Variants in XKR6 observed in about 807,000 individuals in gnomAD.
XKR6 encodes XK related 6.
Under a neutral mutation model 56.7 loss-of-function variants are expected in XKR6, and 22 were observed. The observed-to-expected ratio is 0.39, with a 90% confidence interval of 0.28 to 0.55. The LOEUF is 0.55. XKR6 is among the 20% of genes least tolerant of loss of function. The pLI, the probability that XKR6 is intolerant of heterozygous loss-of-function variation, is 0.66. For synonymous variants in XKR6, 524 were observed against 387.8 expected, an observed-to-expected ratio of 1.35 and a Z score of -4.13; for missense variants, 852 against 889.0, an observed-to-expected ratio of 0.96 and a Z score of 0.53.
chr8:11,093,164 T>C (rs1798137003), intron 1 of XKR6, among the ~76,000 whole-genome samples: 1 of 152,168 alleles, frequency 6.6e-6, no homozygotes, highest in Admixed American at 6.5e-5. Context: ...CAAACGATTC[T>C]CCTGCCTCAG....
At chr8:10,931,845 AAACTTT>A (rs1801060304) in intron 1 of XKR6, among the ~76,000 whole-genome samples, 1 of 152,182 alleles carries the variant, frequency 6.6e-6, no homozygotes, top group Non-Finnish European at 1.5e-5. Context: ...CAAAAAAGAT[AAACTTT>A]ATCAAAATTA....
chr8:11,012,201 TC>T (rs1056143483), intron 1 of XKR6, among the ~76,000 whole-genome samples: 15 of 151,966 alleles, frequency 9.9e-5, no homozygotes, highest in African/African-American at 3.6e-4. Flanking sequence ...CCCACCCCAC[TC>T]CCCAGCCCTG....
At chr8:11,196,535 A>C (rs945524285) in intron 1 of XKR6, among the ~76,000 whole-genome samples, 1 of 152,262 alleles carries the variant, frequency 6.6e-6, no homozygotes, top group Non-Finnish European at 1.5e-5. Context: ...TCATGCTTCC[A>C]AGGTAAAGTC....
intron 1 of XKR6, among the ~76,000 whole-genome samples, chr8:11,145,875 C>A (rs1180896900): frequency 1.3e-5 from 2 of 151,952 alleles, no homozygotes; most frequent in Non-Finnish European, 2.9e-5. Flanking sequence ...ATGCAAACGA[C>A]CCACAATAGT....
chr8:10,925,552 A>T (rs1202261229), intron 1 of XKR6, among the ~76,000 whole-genome samples: 1 of 152,192 alleles, frequency 6.6e-6, no homozygotes, highest in African/African-American at 2.4e-5. Context: ...CCGCCCTCTC[A>T]GGACCACTCC....
intron 1 of XKR6, among the ~76,000 whole-genome samples, chr8:11,190,310 T>G (rs1451429871): frequency 2.0e-5 from 3 of 151,772 alleles, no homozygotes; most frequent in East Asian, 1.9e-4. Context: ...GAAAACAGCT[T>G]CTTTATATCC....
At chr8:11,199,639 G>A (rs954689363) in intron 1 of XKR6, among the ~76,000 whole-genome samples, 3 of 152,226 alleles carry the variant, frequency 2.0e-5, no homozygotes, top group African/African-American at 7.2e-5. Context: ...GTACCCAGGT[G>A]TGAATGGGTT....
chr8:11,163,575 A>G (rs909110097), intron 1 of XKR6, among the ~76,000 whole-genome samples: 1 of 152,248 alleles, frequency 6.6e-6, no homozygotes, highest in Non-Finnish European at 1.5e-5. Flanking sequence ...AAGGGCAAAC[A>G]TTTAGAAAAC....
At chr8:11,005,501 C>A (rs1390618377) in intron 1 of XKR6, among the ~76,000 whole-genome samples, 1 of 152,020 alleles carries the variant, frequency 6.6e-6, no homozygotes, top group East Asian at 1.9e-4. Flanking sequence ...AATGGTTGTA[C>A]AACACCATGG....
chr8:11,192,713 A>G (rs1803646670), intron 1 of XKR6, among the ~76,000 whole-genome samples: 2 of 152,274 alleles, frequency 1.3e-5, no homozygotes, highest in Non-Finnish European at 1.5e-5. Context: ...ATAAAAATTG[A>G]GCAAAAATAC....
chr8:11,167,841 G>T (rs1454898245), intron 1 of XKR6, among the ~76,000 whole-genome samples: 1 of 148,214 alleles, frequency 6.7e-6, no homozygotes, highest in East Asian at 2.0e-4. Flanking sequence ...ACCAGGCTAG[G>T]CACAGTGGCT....
At chr8:10,944,441 G>C (rs894821306) in intron 1 of XKR6, among the ~76,000 whole-genome samples, 3 of 152,108 alleles carry the variant, frequency 2.0e-5, no homozygotes, top group Admixed American at 6.5e-5. Flanking sequence ...GCAAGGGTTG[G>C]ACCCACTGAC....
In XKR6 at chr8:11,166,675, C is replaced by T. The variant is rs866586153; in HGVS notation, c.764+33901G>A. On this transcript the variant is annotated intron_variant, in intron 1 of 2. Coordinates refer to ENST00000416569, the MANE Select transcript of XKR6 (RefSeq NM_173683.4). ...GCAACCTCTGCCTCCTAGGTTCAAG[C>T]GATTCTCCTGCCTCAGCCTCCCAAG... 8.5e-5 allele frequency among the ~76,000 whole-genome samples: 13 copies of T among 152,152 alleles called. No homozygotes were observed. In the Middle Eastern group the frequency reaches 0.017, roughly 199 times the overall value.
At chr8:11,156,728 G>A (rs1801537668) in intron 1 of XKR6, among the ~76,000 whole-genome samples, 1 of 152,108 alleles carries the variant, frequency 6.6e-6, no homozygotes, top group Non-Finnish European at 1.5e-5. Context: ...GGGGTGGGAA[G>A]GGGAAAGACA....
At chr8:10,998,670 G>T (rs1329799526) in intron 1 of XKR6, among the ~76,000 whole-genome samples, 1 of 152,156 alleles carries the variant, frequency 6.6e-6, no homozygotes, top group Non-Finnish European at 1.5e-5. Flanking sequence ...CTCTCTCCAG[G>T]TCACCCAGCT....
At chr8:11,012,875 A>G (rs908992278) in intron 1 of XKR6, among the ~76,000 whole-genome samples, 1 of 152,214 alleles carries the variant, frequency 6.6e-6, no homozygotes, top group African/African-American at 2.4e-5. Context: ...CTGCACTTTC[A>G]GGACACTTTT....
At chr8:10,969,871 A>C (rs1273559117) in intron 1 of XKR6, among the ~76,000 whole-genome samples, 1 of 152,228 alleles carries the variant, frequency 6.6e-6, no homozygotes, top group East Asian at 1.9e-4. Context: ...GTGCAGCCCG[A>C]AGATGGGATA....
intron 1 of XKR6, among the ~76,000 whole-genome samples, chr8:11,011,596 A>G (rs1489584985): frequency 6.6e-6 from 1 of 152,232 alleles, no homozygotes; most frequent in Non-Finnish European, 1.5e-5. Context: ...AACTTAATCT[A>G]ACACGAAAGA....
chr8:11,055,681 T>A (rs1799664123), intron 1 of XKR6, among the ~76,000 whole-genome samples: 2 of 152,216 alleles, frequency 1.3e-5, no homozygotes, highest in African/African-American at 4.8e-5. Flanking sequence ...GGGGGCCTCC[T>A]GGATTCACCT....
Sources: allele counts gnomAD v4.1 joint callset (sites outside exome capture counted in the v4.1 genomes callset), GRCh38; gene constraint gnomAD v4.1.1; transcripts MANE v1.5; gene names NCBI Gene and HGNC (gene_info 2026-07-23, HGNC 2026-07-21).